The following DHRSX variants were observed in gnomAD, a reference collection of about 807,000 sequenced individuals.
DHRSX encodes the protein polyprenol dehydrogenase.
A neutral mutation model predicts 34.0 loss-of-function variants in DHRSX; 31 were observed. The observed-to-expected ratio is 0.91, with a 90% CI of 0.69 to 1.23. DHRSX has a LOEUF of 1.23. Among genes scored for constraint, DHRSX ranks in the 50% most tolerant of loss-of-function variants. The pLI, the probability that DHRSX is intolerant of heterozygous loss-of-function variation, is 0.00. For synonymous variants in DHRSX, 201 were observed against 183.8 expected, an observed-to-expected ratio of 1.09 and a Z score of -0.76; for missense variants, 414 against 428.1, an observed-to-expected ratio of 0.97 and a Z score of 0.29.
At chrX:2,448,806 G>T (rs2044176144) in intron 1 of DHRSX, among the ~76,000 whole-genome samples, 1 of 152,130 alleles carries the variant, frequency 6.6e-6, no homozygotes, top group African/African-American at 2.4e-5. Flanking sequence ...ATTTAATGGT[G>T]TCTCTTCTTA....
intron 1 of DHRSX, among the ~76,000 whole-genome samples, chrX:2,499,302 G>T (rs1200938705): frequency 3.3e-5 from 5 of 152,096 alleles, no homozygotes; most frequent in Non-Finnish European, 7.4e-5. Flanking sequence ...TCTTAGGCTG[G>T]ACATTTAAGA....
chrX:2,388,672 GGACACA>G (rs2043299827), intron 3 of DHRSX, among the ~76,000 whole-genome samples: 1 of 151,702 alleles, frequency 6.6e-6, no homozygotes, highest in Non-Finnish European at 1.5e-5. Context: ...GAGGAGATGA[GGACACA>G]GACACAGACA....
intron 3 of DHRSX, among the ~76,000 whole-genome samples, chrX:2,346,834 G>A (rs1297520112): frequency 6.6e-6 from 1 of 151,814 alleles, no homozygotes; most frequent in Non-Finnish European, 1.5e-5. Context: ...AGTGTGTGAT[G>A]TTCCCCTCCC....
chrX:2,335,194 A>AG (rs961475838), intron 3 of DHRSX, among the ~76,000 whole-genome samples: 8 of 151,650 alleles, frequency 5.3e-5, no homozygotes, highest in Non-Finnish European at 1.0e-4. Context: ...CAAAAAAAAA[A>AG]AAAAAGAAAA....
chrX:2,338,073 C>G (rs1274098523), intron 3 of DHRSX: 1 of 151,158 alleles, frequency 6.6e-6, no homozygotes, highest in Admixed American at 6.6e-5. Flanking sequence ...TGGCTCATGC[C>G]TGTAATCCCA....
In DHRSX at chrX:2,475,925, C is replaced by T. The variant is rs570726278; in HGVS notation, c.109+24892G>A. Among the ~76,000 whole-genome samples, 3 of 152,272 alleles carry T rather than the reference C, an allele frequency of 2.0e-5. 1 individual carries two copies. The highest frequency in any genetic ancestry group is 1.9e-4 in the East Asian group (1 of 5,188). On this transcript the variant is annotated intron_variant, in intron 1 of 6. Transcript: ENST00000334651. ...CTGCAGTAATTACCAAGACATAATT[C>T]GATCTAATCGCCTTCTAAATAAATG... is the stretch of plus-strand genomic sequence containing the variant.
chrX:2,284,162 TCATTCCTTTGAATTCATA>T (rs1386593793), intron 4 of DHRSX, among the ~76,000 whole-genome samples: 2 of 150,584 alleles, frequency 1.3e-5, no homozygotes, highest in African/African-American at 4.9e-5. Context: ...TCCTTTGAAT[TCATTCCTTTGAATTCATA>T]CATTCCTTTC....
rs752017882 is a variant in DHRSX at position 2,458,963 on chromosome X, G to A, written c.110-33659C>T. ...AAGACCAGCCTGAGCAACATAGCAA[G>A]ACCCCATCTCTACAAAACTTTAAAA... is the stretch of plus-strand genomic sequence containing the variant. On this transcript the variant is annotated intron_variant, in intron 1 of 6. Transcript: ENST00000334651. Among the ~76,000 whole-genome samples, 217 of 151,998 alleles carry A rather than the reference G, an allele frequency of 1.4e-3. 3 individuals are homozygous for A. The highest frequency in any genetic ancestry group is 4.8e-3 in the African/African-American group (200 of 41,494).
intron 5 of DHRSX, among the ~76,000 whole-genome samples, chrX:2,262,449 G>A (rs1244977083): frequency 6.6e-6 from 1 of 151,934 alleles, no homozygotes; most frequent in Non-Finnish European, 1.5e-5. Flanking sequence ...CACATCTCAT[G>A]TGTGCCCACG....
At chrX:2,336,452 C>CA (rs1203288356) in intron 3 of DHRSX, 1 of 152,134 alleles carries the variant, frequency 6.6e-6, no homozygotes, top group East Asian at 1.9e-4. Context: ...TTCACATCAA[C>CA]AAAAACAGGT....
At position 2,381,962 on chromosome X, in the gene DHRSX, C is replaced by A. The variant is rs190174097; in HGVS notation, c.286+26783G>T. Among the ~76,000 whole-genome samples the A allele has an allele frequency of 2.6e-5, 4 of 152,232 alleles. No individual in the cohort carries two copies. The East Asian group carries it at 7.7e-4, about 29-fold the overall frequency. On this transcript the variant is annotated intron_variant, in intron 3 of 6. Coordinates refer to ENST00000334651, the MANE Select transcript of DHRSX (RefSeq NM_145177.3). ...ACTAAAACATGGCATTGTTTGCAAGCTACATGGCTTCGTAGGAGAGTCTGC... is the reference window on the plus strand; with the variant it reads ...ACTAAAACATGGCATTGTTTGCAAGATACATGGCTTCGTAGGAGAGTCTGC...
intron 3 of DHRSX, among the ~76,000 whole-genome samples, chrX:2,368,146 G>C (rs7062800): frequency 0.027 from 4,072 of 151,892 alleles, 71 homozygotes; most frequent in Non-Finnish European, 0.038. Flanking sequence ...AGGAGGCTGA[G>C]GCAGGAGAAT....
At chrX:2,264,526 G>A (rs2041413953) in intron 5 of DHRSX, among the ~76,000 whole-genome samples, 1 of 151,142 alleles carries the variant, frequency 6.6e-6, no homozygotes, top group African/African-American at 2.4e-5. Flanking sequence ...ACTGTGCCCA[G>A]AGCACCTGTG....
chrX:2,226,794 C>CAA (rs747462270), intron 6 of DHRSX, among the ~76,000 whole-genome samples: 186 of 142,278 alleles, frequency 1.3e-3, no homozygotes, highest in African/African-American at 4.4e-3. Flanking sequence ...GATGCCATCT[C>CAA]AAAAAAAAAA....
chrX:2,268,135 T>G (rs2041499737), intron 4 of DHRSX, among the ~76,000 whole-genome samples: 1 of 152,186 alleles, frequency 6.6e-6, no homozygotes, highest in African/African-American at 2.4e-5. Flanking sequence ...GGTTCTGTGC[T>G]TGACATGTTC....
intron 3 of DHRSX, among the ~76,000 whole-genome samples, chrX:2,392,129 C>T (rs1348345032): frequency 1.3e-5 from 2 of 152,158 alleles, no homozygotes; most frequent in African/African-American, 4.8e-5. Flanking sequence ...GCAATTCAAA[C>T]GTGCTGCTTA....
intron 1 of DHRSX, among the ~76,000 whole-genome samples, chrX:2,452,268 G>A (rs933856799): frequency 1.4e-5 from 2 of 148,060 alleles, no homozygotes; most frequent in African/African-American, 5.0e-5. Flanking sequence ...TCCCTAAGCA[G>A]GTGGCTAAGG....
chrX:2,313,048 G>A (rs1443078174), intron 3 of DHRSX, among the ~76,000 whole-genome samples: 3 of 151,300 alleles, frequency 2.0e-5, no homozygotes, highest in African/African-American at 7.3e-5. Context: ...TGTTGCCCAG[G>A]CTGGAGTGCA....
chrX:2,408,701 G>GAA (rs112731156), intron 3 of DHRSX, 44 bp downstream of exon 3: 38,686 of 1,294,320 alleles, frequency 0.03, no homozygotes, highest in East Asian at 0.096. Context: ...CTGTCCCAAG[G>GAA]AAAAAAAAAA....
Sources: allele counts gnomAD v4.1 joint callset (sites outside exome capture counted in the v4.1 genomes callset), GRCh38; gene constraint gnomAD v4.1.1; transcripts MANE v1.5; gene names NCBI Gene and HGNC (gene_info 2026-07-23, HGNC 2026-07-21).